The following TTC28 variants were observed in gnomAD, a reference collection of about 807,000 sequenced individuals.
TTC28 encodes the protein tetratricopeptide repeat protein 28.
In TTC28, 61 loss-of-function variants were observed where a neutral mutation model predicts 198.0. The ratio of observed to expected loss-of-function variants is 0.31; its 90% CI spans 0.25 to 0.38. The LOEUF is 0.38. Ranked by LOEUF, TTC28 falls within the 10% of genes least tolerant of loss-of-function variation. The pLI is 1.00. For synonymous variants in TTC28, 1,171 were observed against 1,297.8 expected (o/e 0.90, Z 2.10); for missense variants, 2,678 against 3,164.0 (o/e 0.85, Z 3.69).
chr22:28,409,079 T>C (rs1282719724), intron 2 of TTC28, among the ~76,000 whole-genome samples: 1 of 152,234 alleles, frequency 6.6e-6, no homozygotes, highest in Non-Finnish European at 1.5e-5. Context: ...TTATACAATA[T>C]CCACCTTCAA....
At chr22:28,478,382 G>C (rs1230943324) in intron 2 of TTC28, among the ~76,000 whole-genome samples, 1 of 152,000 alleles carries the variant, frequency 6.6e-6, no homozygotes, top group Non-Finnish European at 1.5e-5. Context: ...GGTGGCATGT[G>C]CCTGTAATAC....
intron 2 of TTC28, among the ~76,000 whole-genome samples, chr22:28,472,783 AG>A (rs1277614587): frequency 1.2e-4 from 19 of 152,332 alleles, no homozygotes; most frequent in Admixed American, 5.2e-4. Context: ...TTTTCTAGAT[AG>A]AAAAGGCCCA....
chr22:28,205,855 C>T (rs1372785603), intron 5 of TTC28, among the ~76,000 whole-genome samples: 1 of 151,890 alleles, frequency 6.6e-6, no homozygotes, highest in African/African-American at 2.4e-5. Context: ...GAAGAAGTAG[C>T]ACATTGATTT....
chr22:28,421,872 T>C lies in TTC28; in HGVS notation c.382-115229A>G, dbSNP rs1051239578. On this transcript the variant is annotated intron_variant, in intron 2 of 22. Coordinates refer to ENST00000397906, the MANE Select transcript of TTC28 (RefSeq NM_001145418.2). ...ATCACCTGAACCTGGTAGGCGGAGGTTGCAGTGAGCAGAGATCGCACCACT... is the reference window on the plus strand; with the variant it reads ...ATCACCTGAACCTGGTAGGCGGAGGCTGCAGTGAGCAGAGATCGCACCACT... 5.3e-5 allele frequency among the ~76,000 whole-genome samples: 8 copies of C among 150,594 alleles called. No homozygotes were observed. The East Asian group carries it at 5.8e-4, about 11-fold the overall frequency.
At chr22:28,166,346 T>G (rs1260077723) in intron 5 of TTC28, among the ~76,000 whole-genome samples, 2 of 152,094 alleles carry the variant, frequency 1.3e-5, no homozygotes, top group Non-Finnish European at 2.9e-5. Flanking sequence ...TACAGAACTC[T>G]CCACCCCAAA....
At chr22:28,004,636 G>A (rs930715691) in intron 14 of TTC28, among the ~76,000 whole-genome samples, 1 of 152,200 alleles carries the variant, frequency 6.6e-6, no homozygotes, top group Non-Finnish European at 1.5e-5. Context: ...GGTGACAGTC[G>A]CAGCTGTTCT....
chr22:28,124,209 G>GT (rs959904270), intron 6 of TTC28, among the ~76,000 whole-genome samples: 7 of 150,588 alleles, frequency 4.6e-5, no homozygotes, highest in East Asian at 3.9e-4. Flanking sequence ...TTTGTTTTTT[G>GT]TTTTTTTCCT....
At chr22:28,531,760 C>T (rs1201197288) in intron 2 of TTC28, among the ~76,000 whole-genome samples, 1 of 152,188 alleles carries the variant, frequency 6.6e-6, no homozygotes, top group African/African-American at 2.4e-5. Flanking sequence ...GAAACTCACT[C>T]GAAACCACTC....
chr22:27,989,926 C>A lies in TTC28; in HGVS notation c.5659G>T (p.Val1887Phe). ...ASAPIQVSISVQLWRLPGCHE... is the reference protein window; with the variant it reads ...ASAPIQVSISFQLWRLPGCHE... ...CATCCCGGGAGCCGCCACAGCTGGA[C>A]GCTGATGGAGACCTGAATGGGAGCT... Residue 1887 changes from valine to phenylalanine, a missense_variant, in exon 21 of 23, where the codon GTC (valine) becomes TTC (phenylalanine). This residue lies in a region of TTC28 where 314 missense variants were observed against 442.7 expected (regional missense o/e 0.71). Transcript: ENST00000397906. 2 of 1,551,432 alleles carry A rather than the reference C, an allele frequency of 1.3e-6. No homozygotes were observed. Among genetic ancestry groups the A allele is most frequent in the Non-Finnish European group, 1.7e-6 (2 of 1,146,920 alleles).
chr22:28,497,057 C>A (rs1346063325), intron 2 of TTC28, among the ~76,000 whole-genome samples: 1 of 152,090 alleles, frequency 6.6e-6, no homozygotes, highest in Non-Finnish European at 1.5e-5. Flanking sequence ...CCCTAATGAC[C>A]CTATTTGAAA....
chr22:28,566,110 T>C (rs1208515747), intron 2 of TTC28, among the ~76,000 whole-genome samples: 1 of 152,182 alleles, frequency 6.6e-6, no homozygotes, highest in Non-Finnish European at 1.5e-5. Context: ...CCCCTGCTTT[T>C]GTATGGCCTC....
At chr22:28,484,612 A>G (rs2048294977) in intron 2 of TTC28, among the ~76,000 whole-genome samples, 1 of 152,156 alleles carries the variant, frequency 6.6e-6, no homozygotes, top group Admixed American at 6.5e-5. Context: ...AATTAGTCTC[A>G]TTCCCTGCTC....
chr22:28,264,525 G>C (rs1229640840), intron 5 of TTC28, among the ~76,000 whole-genome samples: 1 of 152,164 alleles, frequency 6.6e-6, no homozygotes, highest in Non-Finnish European at 1.5e-5. Flanking sequence ...TACAGGCTCT[G>C]GGAAGGAGAA....
chr22:28,389,838 T>A (rs1167981891), intron 2 of TTC28, among the ~76,000 whole-genome samples: 1 of 151,630 alleles, frequency 6.6e-6, no homozygotes, highest in African/African-American at 2.4e-5. Context: ...GTGTCTCTAT[T>A]ACCTTCAGTT....
chr22:28,620,745 C>A (rs561122607), intron 2 of TTC28, among the ~76,000 whole-genome samples: 1 of 152,104 alleles, frequency 6.6e-6, no homozygotes, highest in Admixed American at 6.6e-5. Flanking sequence ...GACTTTCTAC[C>A]GGGCCAAAGA....
At chr22:28,018,581 G>A (rs558269257) in intron 13 of TTC28, among the ~76,000 whole-genome samples, 4 of 152,284 alleles carry the variant, frequency 2.6e-5, no homozygotes, top group South Asian at 4.2e-4. Flanking sequence ...AGCTCTTCAC[G>A]CAGCAGCTGC....
At chr22:28,165,943 G>A (rs1428912025) in intron 5 of TTC28, among the ~76,000 whole-genome samples, 1 of 152,124 alleles carries the variant, frequency 6.6e-6, no homozygotes, top group Non-Finnish European at 1.5e-5. Context: ...CATCTCACAT[G>A]CAGAGACACA....
chr22:28,040,381 T>C (rs1401610471), intron 12 of TTC28, among the ~76,000 whole-genome samples: 5 of 152,172 alleles, frequency 3.3e-5, no homozygotes, highest in African/African-American at 9.7e-5. Context: ...TAAAAAAGCT[T>C]ATCCACCACG....
chr22:28,637,675 T>G (rs2051298266), intron 1 of TTC28, among the ~76,000 whole-genome samples: 1 of 151,696 alleles, frequency 6.6e-6, no homozygotes, highest in South Asian at 2.1e-4. Context: ...TTACTTTAAG[T>G]GTAAATGGAG....
Sources: allele counts gnomAD v4.1 joint callset (sites outside exome capture counted in the v4.1 genomes callset), GRCh38; gene constraint gnomAD v4.1.1; regional missense constraint gnomAD v4.1.1; transcripts MANE v1.5; gene names NCBI Gene and HGNC (gene_info 2026-07-23, HGNC 2026-07-21).